Variants in RASEF observed in about 807,000 individuals in gnomAD.
The protein encoded by RASEF is ras and EF-hand domain-containing protein.
RASEF carries 68 observed loss-of-function variants against 90.1 expected under a neutral mutation model. The observed-to-expected ratio is 0.75, with a 90% CI of 0.62 to 0.92. The LOEUF is 0.92. Ranked by LOEUF, RASEF falls within the 40% of genes least tolerant of loss-of-function variation. The pLI is 0.00. For missense variants in RASEF, 949 were observed against 937.2 expected (o/e 1.01, Z -0.16); for synonymous variants, 331 against 345.2 (o/e 0.96, Z 0.46).
At chr9:83,131,453 A>G in the RASEF span, among the ~76,000 whole-genome samples, 1 of 152,196 alleles carries the variant, frequency 6.6e-6, no homozygotes, top group Non-Finnish European at 1.5e-5. Context: ...TTTTCAACAT[A>G]TGAAAGCTAG....
the RASEF span, among the ~76,000 whole-genome samples, chr9:83,073,462 A>G: frequency 6.6e-6 from 1 of 151,026 alleles, no homozygotes; most frequent in East Asian, 2.0e-4. Flanking sequence ...AACCTTCCAC[A>G]CTGATATGAA....
At chr9:83,088,121 A>G in the RASEF span, among the ~76,000 whole-genome samples, 2 of 151,968 alleles carry the variant, frequency 1.3e-5, no homozygotes, top group Admixed American at 6.6e-5. Context: ...GAATTCTTTT[A>G]TATTTATTGA....
chr9:82,992,964 G>C lies in RASEF; in HGVS notation c.1982C>G (p.Thr661Ser), dbSNP rs756060370. 6.2e-7 allele frequency: 1 copy of C among 1,613,880 alleles called. No individual in the cohort carries two copies. Among genetic ancestry groups the C allele is most frequent in the South Asian group, 1.1e-5 (1 of 91,074 alleles). Residue 661 changes from threonine (T) to serine (S), a missense_variant, in exon 15 of 17, where the codon ACT becomes AGT. Coordinates refer to ENST00000376447, the MANE Select transcript of RASEF (RefSeq NM_152573.4). ...LVGNKADIRD[T>S]AATEGQKCVP... ...ACATTTTTGTCCCTCTGTAGCAGCA[G>C]TGTCACGAATGTCAGCCTTGTTTCC...
chr9:83,126,038 C>T, the RASEF span, among the ~76,000 whole-genome samples: 1 of 152,144 alleles, frequency 6.6e-6, no homozygotes, highest in Non-Finnish European at 1.5e-5. Flanking sequence ...TCCTGGGCCT[C>T]CCACTGAAGA....
intron 3 of RASEF, among the ~76,000 whole-genome samples, chr9:83,021,873 C>T (rs1829450401): frequency 6.6e-6 from 1 of 152,092 alleles, no homozygotes; most frequent in Non-Finnish European, 1.5e-5. Flanking sequence ...TGACTGTATT[C>T]CATTATAAAA....
intron 1 of RASEF, among the ~76,000 whole-genome samples, chr9:83,028,298 C>A (rs1397184590): frequency 6.6e-6 from 1 of 152,208 alleles, no homozygotes; most frequent in Non-Finnish European, 1.5e-5. Context: ...TGACAATGCA[C>A]AACAACTTCT....
At chr9:83,167,097 T>A in the RASEF span, among the ~76,000 whole-genome samples, 51,739 of 150,868 alleles carry the variant, frequency 0.34, 8,892 homozygotes, top group Middle Eastern at 0.43. Context: ...AAGTAGCACT[T>A]TTTTTTTCAG....
chr9:83,071,204 A>C, the RASEF span, among the ~76,000 whole-genome samples: 1 of 152,152 alleles, frequency 6.6e-6, no homozygotes, highest in Non-Finnish European at 1.5e-5. Flanking sequence ...ATTCCTAGTC[A>C]CAGGGGATGG....
At chr9:82,995,523 C>A (rs1046839407) in intron 14 of RASEF, among the ~76,000 whole-genome samples, 1 of 152,086 alleles carries the variant, frequency 6.6e-6, no homozygotes, top group African/African-American at 2.4e-5. Context: ...CGGCTTACTT[C>A]AGCCTCGACC....
chr9:83,026,118 C>A (rs537149038), intron 1 of RASEF, among the ~76,000 whole-genome samples, 197 bp from the exon 2 acceptor site: 1 of 152,116 alleles, frequency 6.6e-6, no homozygotes, highest in African/African-American at 2.4e-5. Flanking sequence ...ATGGGGCCTG[C>A]GAGGACAGTG....
chr9:83,068,353 A>G, the RASEF span, among the ~76,000 whole-genome samples: 10,496 of 152,246 alleles, frequency 0.069, 848 homozygotes, highest in African/African-American at 0.2. Flanking sequence ...CTGTGAATAT[A>G]ATGGGATAAT....
the RASEF span, among the ~76,000 whole-genome samples, chr9:83,083,869 G>C: frequency 2.6e-5 from 4 of 152,034 alleles, no homozygotes; most frequent in Non-Finnish European, 5.9e-5. Flanking sequence ...TTTTGAACTA[G>C]TAATTCTATT....
At chr9:83,032,000 A>T (rs2118601465) in intron 1 of RASEF, among the ~76,000 whole-genome samples, 1 of 152,262 alleles carries the variant, frequency 6.6e-6, no homozygotes, top group Middle Eastern at 3.4e-3. Context: ...AAACACAACA[A>T]AACAAAAAAT....
intron 1 of RASEF, among the ~76,000 whole-genome samples, chr9:83,042,462 A>T (rs1307065062): frequency 6.6e-6 from 1 of 152,202 alleles, no homozygotes; most frequent in Non-Finnish European, 1.5e-5. Flanking sequence ...CTGGCTGGGC[A>T]CCTACTTCTT....
chr9:83,144,484 G>T, the RASEF span, among the ~76,000 whole-genome samples: 1 of 151,686 alleles, frequency 6.6e-6, no homozygotes, highest in Non-Finnish European at 1.5e-5. Flanking sequence ...GAAGAGAAAA[G>T]AAAAGAAAAT....
At chr9:83,092,779 G>A in the RASEF span, among the ~76,000 whole-genome samples, 16 of 152,198 alleles carry the variant, frequency 1.1e-4, no homozygotes, top group East Asian at 5.8e-4. Flanking sequence ...TGCTTTGACC[G>A]GGTGCTGATT....
At chr9:83,175,120 C>A in the RASEF span, among the ~76,000 whole-genome samples, 1 of 152,112 alleles carries the variant, frequency 6.6e-6, no homozygotes, top group Non-Finnish European at 1.5e-5. Context: ...TTATTTCTTT[C>A]TTTCTGTCCT....
At chr9:83,095,831 C>G in the RASEF span, among the ~76,000 whole-genome samples, 1 of 151,976 alleles carries the variant, frequency 6.6e-6, no homozygotes, top group Non-Finnish European at 1.5e-5. Flanking sequence ...AAATGAATAA[C>G]TAATTCATGA....
the RASEF span, among the ~76,000 whole-genome samples, chr9:83,185,969 GC>G: frequency 3.3e-5 from 1 of 30,482 alleles, no homozygotes; most frequent in East Asian, 1.1e-3. Context: ...GGAATGGGTG[GC>G]GGGGGGGGCA....
Sources: gnomAD v4.1 joint callset for allele counts (sites outside exome capture counted in the v4.1 genomes callset) on GRCh38, gnomAD v4.1.1 for gene constraint, MANE v1.5 for transcripts, NCBI Gene and HGNC (gene_info 2026-07-23, HGNC 2026-07-21) for gene names.